POP1: variants seen among roughly 807,000 people sequenced by gnomAD.
POP1 encodes POP1 ribonuclease P/MRP subunit.
Under a neutral mutation model 102.2 loss-of-function variants are expected in POP1, and 75 were observed. The ratio of observed to expected loss-of-function variants is 0.73; its 90% confidence interval spans 0.61 to 0.89. The LOEUF (loss-of-function observed/expected upper bound fraction) is 0.89. Among genes scored for constraint, POP1 ranks in the 40% least tolerant of loss-of-function variants. The pLI is 0.00. For missense variants in POP1, 1,116 were observed against 1,267.4 expected, an observed-to-expected ratio of 0.88 and a Z score of 1.81; for synonymous variants, 436 against 464.1, an observed-to-expected ratio of 0.94 and a Z score of 0.78.
At chr8:98,134,162 C>G in intron 6 of POP1, 126 bp downstream of exon 6, 1 of 770,752 alleles carries the variant, frequency 1.3e-6, no homozygotes, top group Non-Finnish European at 2.2e-6. Context: ...ACTAATCATT[C>G]CCAATGAAAA....
chr8:98,134,623 G>A lies in POP1; in HGVS notation c.975G>A (p.Arg325=), dbSNP rs1816477868. Residue 325 remains arginine, a synonymous_variant, in exon 7 of 16, where the codon AGG becomes AGA. Coordinates refer to ENST00000401707, the MANE Select transcript of POP1 (RefSeq NM_001145860.2). ...CCCCGGGTGACCCTTCTGAGAGCAGGCAGCTGTGGATCTGGCTGCATCCAA... is the reference window on the plus strand; with the variant it reads ...CCCCGGGTGACCCTTCTGAGAGCAGACAGCTGTGGATCTGGCTGCATCCAA... ...QRTPGDPSES[R]QLWIWLHPTL... The A allele has an allele frequency of 1.2e-6, 2 of 1,613,900 alleles. No homozygotes were observed. The highest frequency in any genetic ancestry group is 1.3e-5 in the African/African-American group (1 of 74,930).
rs1477097919 is a variant in POP1 at position 98,150,665 on chromosome 8, A to G, written c.2057+26A>G. On this transcript the variant is annotated intron_variant, in intron 14 of 15. Coordinates refer to ENST00000401707, the MANE Select transcript of POP1 (RefSeq NM_001145860.2). ...GTAAGAAACTGGCTTCTCTAATTTG[A>G]TAATGTATTAAGGAAAAGAGAAGTG... The G allele has an allele frequency of 6.2e-6, 10 of 1,608,904 alleles. No individual in the cohort carries two copies. In the South Asian group the frequency reaches 1.1e-4, roughly 18 times the overall value.
Position 98,140,120 on chromosome 8 carries a change from G to A in POP1, c.1405G>A (p.Glu469Lys), listed in dbSNP as rs1816664728. The change falls in exon 10 of 16, where the codon GAA (glutamate) becomes AAA (lysine). Residue 469 changes from glutamate to lysine, a missense_variant. By Grantham distance (56) the Glu-to-Lys change is moderately conservative. Transcript: ENST00000401707. Reference protein sequence around the residue: ...TEETPHRWWIETCKKPDSVSL... With the variant: ...TEETPHRWWIKTCKKPDSVSL... Reference sequence around the variant, plus strand: ...GGAGACACCTCACCGCTGGTGGATAGAAACCTGTAAGAAACCTGACAGCGT... The same window carrying A: ...GGAGACACCTCACCGCTGGTGGATAAAAACCTGTAAGAAACCTGACAGCGT... 1 of 1,614,008 alleles carries A rather than the reference G, an allele frequency of 6.2e-7. No homozygotes were observed. Among genetic ancestry groups the A allele is most frequent in the Admixed American group, 1.7e-5 (1 of 59,990 alleles).
chr8:98,131,606 G>GA lies in POP1; in HGVS notation c.735+1382dup, dbSNP rs1272078341. 4.6e-5 allele frequency among the ~76,000 whole-genome samples: 7 copies of GA among 152,232 alleles called. No individual in the cohort carries two copies. In the East Asian group the frequency reaches 1.3e-3, roughly 29 times the overall value. Reference sequence around the variant, plus strand: ...TACAGTCCCTGCTTTCAGTCCTCTTGAATATATCCCCAGAAGTGTAATTGC... The same window carrying GA: ...TACAGTCCCTGCTTTCAGTCCTCTTGAAATATATCCCCAGAAGTGTAATTGC... On this transcript the variant is annotated intron_variant, in intron 5 of 15. Transcript: ENST00000401707.
In POP1 at chr8:98,137,015, A is replaced by G. The variant is rs1026582997; in HGVS notation, c.1362+61A>G. 5 of 1,421,590 alleles carry G rather than the reference A, an allele frequency of 3.5e-6. No individual in the cohort carries two copies. The African/African-American group carries it at 4.2e-5, about 12-fold the overall frequency. 88.1% of individuals were successfully genotyped at this position (1,421,590 alleles called of 1,614,324 possible). Reference sequence around the variant, plus strand: ...TCATGTTTTTCCTGTCAAATTTGTGAAACCTAATATATAATTTGGTAACAT... The same window carrying G: ...TCATGTTTTTCCTGTCAAATTTGTGGAACCTAATATATAATTTGGTAACAT... On this transcript the variant is annotated intron_variant, in intron 9 of 15. Coordinates refer to ENST00000401707, the MANE Select transcript of POP1 (RefSeq NM_001145860.2).
intron 14 of POP1, among the ~76,000 whole-genome samples, chr8:98,152,616 A>T (rs1379354455): frequency 2.0e-5 from 3 of 152,212 alleles, no homozygotes; most frequent in African/African-American, 7.2e-5. Flanking sequence ...TTTTTCAACC[A>T]TTTAAAAACG....
intron 2 of POP1, 80 bp downstream of exon 2, chr8:98,123,559 A>T (rs28556674): frequency 7.4e-7 from 1 of 1,343,024 alleles, no homozygotes; most frequent in Non-Finnish European, 1.0e-6. Flanking sequence ...TGGGCGGTTC[A>T]TGAGGTCAAG....
In POP1 at chr8:98,159,273, G is replaced by A. The variant is rs2130641716; in HGVS notation, c.*1002G>A. The A allele has an allele frequency of 6.6e-6, 1 of 152,334 alleles. No homozygotes were observed. Among genetic ancestry groups the A allele is most frequent in the Non-Finnish European group, 1.5e-5 (1 of 68,032 alleles). The allele number at this position is 152,334 out of a possible 1,614,324, so 9.4% of individuals were successfully genotyped here. A position where few individuals can be genotyped will look rare whatever the true frequency, so the allele number is the denominator to read the frequency against. On this transcript the variant is annotated 3_prime_UTR_variant, in exon 16 of 16. Transcript: ENST00000401707. Reference sequence around the variant, plus strand: ...TGTTCTTAGTAGCGCGCTTTGGGCAGTGTGGCTGTGTAGTGCATAGCTACC... The same window carrying A: ...TGTTCTTAGTAGCGCGCTTTGGGCAATGTGGCTGTGTAGTGCATAGCTACC...
At chr8:98,139,750 C>G (rs947580425) in intron 9 of POP1, among the ~76,000 whole-genome samples, 1 of 151,806 alleles carries the variant, frequency 6.6e-6, no homozygotes, top group Non-Finnish European at 1.5e-5. Context: ...GAGAGAGGAG[C>G]GAGGCCTCCT....
intron 9 of POP1, among the ~76,000 whole-genome samples, chr8:98,138,846 G>C (rs1274851687): frequency 1.5e-5 from 2 of 137,272 alleles, no homozygotes; most frequent in East Asian, 4.0e-4. Context: ...TGTTATGATT[G>C]CTTTTTTTTT....
chr8:98,140,435 A>G (rs1237658599), intron 10 of POP1, among the ~76,000 whole-genome samples: 1 of 152,200 alleles, frequency 6.6e-6, no homozygotes, highest in East Asian at 1.9e-4. Flanking sequence ...AGATAAATGC[A>G]TACACCAGGT....
chr8:98,142,863 A>G (rs1250016093), intron 11 of POP1, among the ~76,000 whole-genome samples: 1 of 152,194 alleles, frequency 6.6e-6, no homozygotes, highest in African/African-American at 2.4e-5. Context: ...AGCAGACTTG[A>G]GCAGTGCCCA....
chr8:98,135,699 TAAA>T (rs57695775), intron 7 of POP1, among the ~76,000 whole-genome samples: 2 of 151,594 alleles, frequency 1.3e-5, no homozygotes, highest in Admixed American at 6.6e-5. Context: ...AAAATTAAAT[TAAA>T]AAAAATTTTT....
In POP1 at chr8:98,158,236, C is replaced by A. The variant is rs1385430309; in HGVS notation, c.3040C>A (p.Gln1014Lys). 4.3e-6 allele frequency: 7 copies of A among 1,611,882 alleles called. No individual in the cohort carries two copies. In the South Asian group the frequency reaches 7.7e-5, roughly 18 times the overall value. The change falls in exon 16 of 16, where the codon CAG becomes AAG. Residue 1014 changes from glutamine (Q) to lysine (K), a missense_variant. Gln to Lys is a moderately conservative substitution (Grantham distance 53, BLOSUM62 1). Transcript: ENST00000401707. ...GCTACTGAGGCCTCCCGCCTCTCTG[C>A]AGTATCGATTTGCGAGGATTGCTAT... The part of the protein sequence containing the change: ...LVLLRPPASL[Q>K]YRFARIAIEV
chr8:98,143,144 C>T (rs1446326036), intron 11 of POP1, among the ~76,000 whole-genome samples: 2 of 152,192 alleles, frequency 1.3e-5, no homozygotes, highest in African/African-American at 2.4e-5. Context: ...ATAATCAATT[C>T]AAGAACTTTT....
Position 98,157,933 on chromosome 8 carries a change from G to C in POP1, c.2737G>C (p.Glu913Gln). ...PFRSKILKQK[E>Q]KKKREKRQKP... ...CAGGAGCAAGATCCTGAAACAGAAA[G>C]AGAAGAAGAAAAGGGAGAAGAGGCA... Residue 913 changes from glutamate (E) to glutamine (Q), a missense_variant, in exon 16 of 16, where the codon GAG becomes CAG. Glu to Gln is a conservative substitution (Grantham distance 29). Coordinates refer to ENST00000401707, the MANE Select transcript of POP1 (RefSeq NM_001145860.2). The C allele has an allele frequency of 6.2e-7, 1 of 1,614,066 alleles. No individual in the cohort carries two copies. The highest frequency in any genetic ancestry group is 8.5e-7 in the Non-Finnish European group (1 of 1,179,998).
intron 2 of POP1, among the ~76,000 whole-genome samples, chr8:98,124,053 C>T (rs1816119069): frequency 6.6e-6 from 1 of 152,106 alleles, no homozygotes; most frequent in Non-Finnish European, 1.5e-5. Context: ...TTTACGTTCC[C>T]AGCCGAGCTT....
chr8:98,128,219 C>G (rs1816269397), intron 3 of POP1, 146 bp from the exon 4 acceptor site: 3 of 762,436 alleles, frequency 3.9e-6, no homozygotes, highest in Non-Finnish European at 6.7e-6. Flanking sequence ...TTCCTTGTAC[C>G]TTGTACCTAT....
At chr8:98,126,475 G>T (rs1586228973) in intron 2 of POP1, among the ~76,000 whole-genome samples, 1 of 152,182 alleles carries the variant, frequency 6.6e-6, no homozygotes, top group East Asian at 1.9e-4. Context: ...GATGTTCCCA[G>T]CCCCCTTCAG....
Sources: allele counts gnomAD v4.1 joint callset (sites outside exome capture counted in the v4.1 genomes callset), GRCh38; gene constraint gnomAD v4.1.1; transcripts MANE v1.5; gene names NCBI Gene and HGNC (gene_info 2026-07-23, HGNC 2026-07-21).